The following PREX1 variants were observed in gnomAD, a reference collection of about 807,000 sequenced individuals.
PREX1 encodes the protein phosphatidylinositol 3,4,5-trisphosphate-dependent Rac exchanger 1 protein.
A neutral mutation model predicts 198.3 loss-of-function variants in PREX1; 41 were observed. The ratio of observed to expected loss-of-function variants is 0.21; its 90% confidence interval spans 0.16 to 0.27. The LOEUF (loss-of-function observed/expected upper bound fraction) is 0.27. PREX1 is among the 10% of genes least tolerant of loss of function. The pLI, the probability that PREX1 is intolerant of heterozygous loss-of-function variation, is 1.00. For synonymous variants in PREX1, 843 were observed against 887.2 expected, an observed-to-expected ratio of 0.95 and a Z score of 0.89; for missense variants, 1,620 against 2,200.7, an observed-to-expected ratio of 0.74 and a Z score of 5.28.
the PREX1 span, chr20:48,849,325 A>G: frequency 2.6e-5 from 4 of 152,190 alleles, no homozygotes; most frequent in Admixed American, 6.5e-5. Flanking sequence ...CAAATACAAT[A>G]CTAGAAACAG....
At chr20:48,828,024 G>T (rs1675427438), upstream of PREX1, 1 of 157,292 alleles carries the variant, frequency 6.4e-6, no homozygotes, top group Non-Finnish European at 1.3e-5. Flanking sequence ...TGGGCCGGGG[G>T]CGGAGGCAGC....
At chr20:48,883,949 G>C in the PREX1 span, among the ~76,000 whole-genome samples, 1 of 152,000 alleles carries the variant, frequency 6.6e-6, no homozygotes, top group Admixed American at 6.6e-5. Flanking sequence ...GACCATCCTG[G>C]CTAACACGGT....
intron 7 of PREX1, among the ~76,000 whole-genome samples, chr20:48,694,941 G>A (rs1383698160): frequency 6.6e-6 from 1 of 151,922 alleles, no homozygotes; most frequent in African/African-American, 2.4e-5. Flanking sequence ...AAGGATGAGG[G>A]TGTGTATGTG....
chr20:48,803,344 A>G (rs1016214053), intron 1 of PREX1, among the ~76,000 whole-genome samples: 10 of 152,120 alleles, frequency 6.6e-5, no homozygotes, highest in Admixed American at 2.0e-4. Context: ...CAGAGCCAGC[A>G]TATGCGGGTG....
chr20:48,873,064 G>A, the PREX1 span, among the ~76,000 whole-genome samples: 1 of 152,160 alleles, frequency 6.6e-6, no homozygotes, highest in Non-Finnish European at 1.5e-5. Context: ...TTTCTGAGGA[G>A]ATGCTGTTGG....
intron 39 of PREX1, among the ~76,000 whole-genome samples, chr20:48,626,695 C>T (rs187209254): frequency 6.6e-6 from 1 of 152,248 alleles, no homozygotes; most frequent in East Asian, 1.9e-4. Flanking sequence ...CAGTGACTCT[C>T]GTCACCACTG....
At chr20:48,657,271 A>G (rs530993145) in intron 17 of PREX1, 83 bp from the exon 18 acceptor site, 6 of 1,501,528 alleles carry the variant, frequency 4.0e-6, no homozygotes, top group Non-Finnish European at 5.5e-6. Context: ...AAATGTGTTC[A>G]GCAGAAGGGT....
chr20:48,851,901 G>C, the PREX1 span, among the ~76,000 whole-genome samples: 1 of 152,156 alleles, frequency 6.6e-6, no homozygotes, highest in African/African-American at 2.4e-5. Context: ...AATAGTCTGT[G>C]GGGGAAGGAC....
At chr20:48,715,144 C>G (rs78459628) in intron 5 of PREX1, among the ~76,000 whole-genome samples, 7 of 152,258 alleles carry the variant, frequency 4.6e-5, no homozygotes, top group African/African-American at 1.7e-4. Flanking sequence ...GGGTTTGGCC[C>G]AGAGAAGAGT....
chr20:48,828,191 G>A (rs2090520574), upstream of PREX1, among the ~76,000 whole-genome samples: 1 of 151,006 alleles, frequency 6.6e-6, no homozygotes, highest in Non-Finnish European at 1.5e-5. Context: ...GACGCGGCGC[G>A]GCGCTCGGCG....
chr20:48,634,954 T>C (rs1030275308), intron 32 of PREX1, among the ~76,000 whole-genome samples, 179 bp from the exon 33 acceptor site: 3 of 152,232 alleles, frequency 2.0e-5, no homozygotes, highest in Non-Finnish European at 2.9e-5. Context: ...TGGCTTGTCC[T>C]GCACTTTCAA....
the PREX1 span, among the ~76,000 whole-genome samples, chr20:48,855,541 G>A: frequency 6.6e-6 from 1 of 152,142 alleles, no homozygotes; most frequent in Non-Finnish European, 1.5e-5. Flanking sequence ...ACACAGCACC[G>A]AACAAGGCAG....
intron 38 of PREX1, 94 bp downstream of exon 38, chr20:48,627,767 C>A (rs1207910025): frequency 1.4e-6 from 2 of 1,402,092 alleles, no homozygotes; most frequent in African/African-American, 1.4e-5. Context: ...AGGTCTGGGG[C>A]TGGTGGCTAC....
chr20:48,749,167 C>T (rs531089844), intron 1 of PREX1, among the ~76,000 whole-genome samples: 13 of 152,262 alleles, frequency 8.5e-5, no homozygotes, highest in Admixed American at 5.9e-4. Context: ...CAGCCACCTC[C>T]GCCTGGTTTG....
chr20:48,831,845 G>A (rs1294070390), upstream of PREX1, among the ~76,000 whole-genome samples: 1 of 152,186 alleles, frequency 6.6e-6, no homozygotes, highest in African/African-American at 2.4e-5. Context: ...GCCTTGGCGG[G>A]ATCAGTGGGG....
At chr20:48,837,551 T>C in the PREX1 span, among the ~76,000 whole-genome samples, 7 of 152,280 alleles carry the variant, frequency 4.6e-5, no homozygotes, top group South Asian at 1.4e-3. Flanking sequence ...CCATTATCCT[T>C]AGCAATCTAA....
chr20:48,694,177 CT>C (rs1375120160), intron 7 of PREX1, among the ~76,000 whole-genome samples: 5 of 151,818 alleles, frequency 3.3e-5, no homozygotes, highest in African/African-American at 1.2e-4. Flanking sequence ...CTCCCAAAGT[CT>C]TGGGATTACA....
At chr20:48,825,169 A>C (rs1012209063) in intron 1 of PREX1, among the ~76,000 whole-genome samples, 6 of 152,218 alleles carry the variant, frequency 3.9e-5, no homozygotes, top group Non-Finnish European at 8.8e-5. Context: ...TGGGATGTTT[A>C]GGGGCCATTC....
rs117371572 is a variant in PREX1 at position 48,757,861 on chromosome 20, T to C, written c.220-9981A>G. On this transcript the variant is annotated intron_variant, in intron 1 of 39. Transcript: ENST00000371941. ...TAAAAATACGTGCATTGGCTCCAAA[T>C]ACAAAAGGAAAACTGCATTGTCAAA... is the stretch of plus-strand genomic sequence containing the variant. Among the ~76,000 whole-genome samples the C allele has an allele frequency of 6.1e-4, 93 of 152,314 alleles. No individual in the cohort carries two copies. In the East Asian group the frequency reaches 0.017, roughly 28 times the overall value.
Sources: gnomAD v4.1 joint callset for allele counts (sites outside exome capture counted in the v4.1 genomes callset) on GRCh38, gnomAD v4.1.1 for gene constraint, MANE v1.5 for transcripts, NCBI Gene and HGNC (gene_info 2026-07-23, HGNC 2026-07-21) for gene names.